PNLDC1: variants seen among roughly 807,000 people sequenced by gnomAD.
PNLDC1 encodes the protein poly(A)-specific ribonuclease PNLDC1.
A neutral mutation model predicts 82.0 loss-of-function variants in PNLDC1; 70 were observed. That is an observed-to-expected ratio of 0.85 (90% confidence interval 0.70 to 1.04). PNLDC1 has a LOEUF of 1.04. Among genes scored for constraint, PNLDC1 ranks in the 50% least tolerant of loss-of-function variants. PNLDC1 has a pLI of 0.00. For missense variants in PNLDC1, 631 were observed against 661.1 expected (o/e 0.95, Z 0.50); for synonymous variants, 280 against 249.3 (o/e 1.12, Z -1.16).
chr6:159,809,710 G>A (rs557169705), intron 9 of PNLDC1, among the ~76,000 whole-genome samples: 11 of 152,120 alleles, frequency 7.2e-5, no homozygotes, highest in African/African-American at 1.4e-4. Flanking sequence ...GCTCCTTTCC[G>A]TAACACAGGA....
At chr6:159,805,535 G>T (rs1191879583) in intron 6 of PNLDC1, 1 of 153,096 alleles carries the variant, frequency 6.5e-6, no homozygotes, top group Non-Finnish European at 1.5e-5. Flanking sequence ...ATTTTCAAGA[G>T]TTGGAGAAAG....
chr6:159,815,489 CTT>C (rs1441625436), intron 12 of PNLDC1, among the ~76,000 whole-genome samples: 1 of 152,224 alleles, frequency 6.6e-6, no homozygotes, highest in African/African-American at 2.4e-5. Flanking sequence ...TCCTCACTGT[CTT>C]TGCCTGCTCG....
In PNLDC1 at chr6:159,818,578, C is replaced by T. The variant is rs1781920325; in HGVS notation, c.1181C>T (p.Ser394Phe). The change falls in exon 16 of 19, where the codon TCC (serine) becomes TTC (phenylalanine). Residue 394 changes from serine to phenylalanine, a missense_variant. Coordinates refer to ENST00000392167, the MANE Select transcript of PNLDC1 (RefSeq NM_001271862.2). ...AGCATCGACCCCGTGCCCGAGTCAT[C>T]CTTTCCTCAGTACCTTGACGTGCTG... ...IYHIDPVPES[S>F]FPQYLDVLAP... is the part of the protein sequence containing the mutation. 6.2e-7 allele frequency: 1 copy of T among 1,613,864 alleles called. No homozygotes were observed. The highest frequency in any genetic ancestry group is 1.3e-5 in the African/African-American group (1 of 75,042).
intron 12 of PNLDC1, among the ~76,000 whole-genome samples, chr6:159,814,790 A>C (rs573353162): frequency 1.3e-5 from 2 of 152,258 alleles, no homozygotes; most frequent in East Asian, 3.9e-4. Context: ...ACTATCTGTG[A>C]GATGAGAAAA....
Position 159,818,646 on chromosome 6 carries a change from C to A in PNLDC1, c.1249C>A (p.Pro417Thr). ...NQVNLIRAGV[P>T]KINFSGPDYP... The stretch of plus-strand genomic sequence containing the variant: ...AGTGAACCTCATCCGAGCGGGGGTC[C>A]CAAAGATCGTGAGTAGATCTCATTT... The change falls in exon 16 of 19, where the codon CCA becomes ACA. Residue 417 changes from proline (P) to threonine (T), a missense_variant. Physicochemically the swap from Pro to Thr is conservative, Grantham distance 38. Coordinates refer to ENST00000392167, the MANE Select transcript of PNLDC1 (RefSeq NM_001271862.2). 6.2e-7 allele frequency: 1 copy of A among 1,613,384 alleles called. No homozygotes were observed. Among genetic ancestry groups the A allele is most frequent in the Non-Finnish European group, 8.5e-7 (1 of 1,179,702 alleles).
At chr6:159,818,858 C>T in intron 16 of PNLDC1, 88 bp from the exon 17 acceptor site, 1 of 1,451,478 alleles carries the variant, frequency 6.9e-7, no homozygotes, top group South Asian at 1.3e-5. Context: ...CCAAGCAGAG[C>T]CTTTCCTAGT....
intron 6 of PNLDC1, 66 bp downstream of exon 6, chr6:159,804,703 G>A (rs1341429749): frequency 2.8e-5 from 35 of 1,262,256 alleles, no homozygotes; most frequent in Middle Eastern, 3.8e-4. Context: ...TCCCGTGGGC[G>A]GGCGTGCCGT....
intron 3 of PNLDC1, 84 bp from the exon 4 acceptor site, chr6:159,803,187 T>C: frequency 2.0e-5 from 26 of 1,313,480 alleles, no homozygotes; most frequent in Non-Finnish European, 2.9e-5. Context: ...GGGCGCAAAG[T>C]ACTGTTTGAG....
intron 6 of PNLDC1, among the ~76,000 whole-genome samples, chr6:159,805,141 G>A (rs1367548696): frequency 1.3e-5 from 2 of 152,152 alleles, no homozygotes; most frequent in African/African-American, 2.4e-5. Flanking sequence ...CCCCTAGGCC[G>A]GGACCTCTGC....
Position 159,818,958 on chromosome 6 carries a change from C to G in PNLDC1, c.1270C>G (p.Pro424Ala). The G allele has an allele frequency of 6.2e-7, 1 of 1,613,764 alleles. No homozygotes were observed. Among genetic ancestry groups the G allele is most frequent in the Non-Finnish European group, 8.5e-7 (1 of 1,179,918 alleles). Residue 424 changes from proline to alanine, a missense_variant, in exon 17 of 19, where the codon CCA becomes GCA. Pro to Ala is a conservative substitution (Grantham distance 27). Transcript: ENST00000392167. ...AGVPKINFSG[P>A]DYPSIRPPIL... ...GCATGTTTTCTAGAATTTTTCTGGT[C>G]CAGATTATCCCAGTATCCGACCTCC... is the stretch of plus-strand genomic sequence containing the variant.
In PNLDC1 at chr6:159,808,530, A is replaced by T. The variant is rs796384302; in HGVS notation, c.563-210A>T. 1.0e-3 allele frequency among the ~76,000 whole-genome samples: 37 copies of T among 35,290 alleles called. 1 individual carries two copies. Among genetic ancestry groups the T allele is most frequent in the East Asian group, 3.4e-3 (11 of 3,208 alleles). The allele number at this position is 35,290 out of a possible 152,430, so 23.2% of individuals were successfully genotyped here. On this transcript the variant is annotated intron_variant, in intron 7 of 18. Transcript: ENST00000392167. ...CCCAACTTAAGAGTGGCCCTGAGATAAAAAAAAAAAAAAAAAACTCTTAGA... is the reference window on the plus strand; with the variant it reads ...CCCAACTTAAGAGTGGCCCTGAGATTAAAAAAAAAAAAAAAAACTCTTAGA...
chr6:159,810,644 A>T (rs897787529), intron 10 of PNLDC1, among the ~76,000 whole-genome samples: 15 of 152,156 alleles, frequency 9.9e-5, no homozygotes, highest in African/African-American at 3.6e-4. Context: ...AGCCTTGGTG[A>T]TCTCATCCAT....
chr6:159,813,811 T>C (rs906398222), intron 12 of PNLDC1, among the ~76,000 whole-genome samples, 155 bp downstream of exon 12: 1 of 152,024 alleles, frequency 6.6e-6, no homozygotes, highest in Non-Finnish European at 1.5e-5. Context: ...ATGGCCCCCT[T>C]CCTCCGATGA....
chr6:159,800,598 C>G, intron 1 of PNLDC1, 174 bp from the exon 2 acceptor site: 1 of 1,544,334 alleles, frequency 6.5e-7, no homozygotes. Flanking sequence ...GCCCCGTGCG[C>G]CCAGGTGCCT....
chr6:159,814,253 C>T (rs1158937358), intron 12 of PNLDC1, among the ~76,000 whole-genome samples: 2 of 152,206 alleles, frequency 1.3e-5, no homozygotes, highest in Admixed American at 6.5e-5. Context: ...GCACGAGAGG[C>T]GTTTGGAACA....
chr6:159,804,125 GT>G, intron 5 of PNLDC1, 37 bp downstream of exon 5: 5 of 1,606,392 alleles, frequency 3.1e-6, no homozygotes, highest in Non-Finnish European at 3.4e-6. Flanking sequence ...AATGTCTTTT[GT>G]TTGTTTCTGA....
rs751045899 is a variant in PNLDC1 at position 159,809,129 on chromosome 6, T to A, written c.754T>A (p.Phe252Ile). ...ILLSARGFSV[F>I]FQMLVKAQKP... ...TCTCTCAGCAAGGGGTTTTTCTGTC[T>A]TTTTCCAAATGCTGGTGAAAGCCCA... is the stretch of plus-strand genomic sequence containing the variant. Residue 252 changes from phenylalanine to isoleucine, a missense_variant, in exon 9 of 19, where the codon TTT (phenylalanine) becomes ATT (isoleucine). Phe to Ile is a conservative substitution (Grantham distance 21). Coordinates refer to ENST00000392167, the MANE Select transcript of PNLDC1 (RefSeq NM_001271862.2). 10 of 1,614,020 alleles carry A rather than the reference T, an allele frequency of 6.2e-6. No individual in the cohort carries two copies. Among genetic ancestry groups the A allele is most frequent in the Middle Eastern group, 3.3e-4 (2 of 6,084 alleles).
chr6:159,816,519 T>C (rs748792493), intron 13 of PNLDC1, 24 bp from the exon 14 acceptor site: 11 of 1,610,980 alleles, frequency 6.8e-6, no homozygotes, highest in Middle Eastern at 1.7e-4. Context: ...CAATTCTCTG[T>C]CCTCCTGGTG....
At chr6:159,807,650 A>G (rs949761629) in intron 7 of PNLDC1, among the ~76,000 whole-genome samples, 4 of 152,214 alleles carry the variant, frequency 2.6e-5, no homozygotes, top group African/African-American at 9.6e-5. Flanking sequence ...TTTCCAGATT[A>G]CTAGCACATA....
Sources: allele counts gnomAD v4.1 joint callset (sites outside exome capture counted in the v4.1 genomes callset), GRCh38; gene constraint gnomAD v4.1.1; transcripts MANE v1.5; gene names NCBI Gene and HGNC (gene_info 2026-07-23, HGNC 2026-07-21).